GAS2: variants seen among roughly 807,000 people sequenced by gnomAD.
GAS2 encodes the protein growth arrest-specific protein 2.
A neutral mutation model predicts 37.5 loss-of-function variants in GAS2; 20 were observed. The observed-to-expected ratio is 0.53, with a 90% CI of 0.37 to 0.77. The LOEUF (loss-of-function observed/expected upper bound fraction) is 0.77. GAS2 is among the 30% of genes least tolerant of loss of function. GAS2 has a pLI of 0.00. For synonymous variants in GAS2, 144 were observed against 132.2 expected (o/e 1.09, Z -0.61); for missense variants, 336 against 373.4 (o/e 0.90, Z 0.82).
At chr11:22,666,292 A>T (rs1186928968), upstream of GAS2, among the ~76,000 whole-genome samples, 1 of 152,252 alleles carries the variant, frequency 6.6e-6, no homozygotes, top group South Asian at 2.1e-4. Flanking sequence ...AAAATGTTCA[A>T]TTTGGAATGA....
chr11:22,719,856 A>G (rs1264348946), intron 3 of GAS2, among the ~76,000 whole-genome samples: 1 of 152,092 alleles, frequency 6.6e-6, no homozygotes, highest in Non-Finnish European at 1.5e-5. Flanking sequence ...TTTATTATTC[A>G]TCTACTAAAG....
chr11:22,649,923 T>A (rs533613996), intron 1 of GAS2, among the ~76,000 whole-genome samples: 84 of 152,248 alleles, frequency 5.5e-4, no homozygotes, highest in Non-Finnish European at 8.5e-4. Context: ...TTCCTTCAGT[T>A]CTGCTCTGAT....
At chr11:22,638,802 T>C (rs1858873741) in intron 1 of GAS2, among the ~76,000 whole-genome samples, 1 of 152,070 alleles carries the variant, frequency 6.6e-6, no homozygotes, top group Admixed American at 6.6e-5. Context: ...AAATAATATT[T>C]CTTTATATGA....
Position 22,749,639 on chromosome 11 carries a change from G to C in GAS2, c.615+378G>C, listed in dbSNP as rs1346083554. 2.0e-5 allele frequency among the ~76,000 whole-genome samples: 3 copies of C among 152,006 alleles called. No individual in the cohort carries two copies. The East Asian group carries it at 5.8e-4, about 29-fold the overall frequency. ...AAGAAGGGAAAGTAAATGTATGATA[G>C]AGAAGTTAAGTGCCTTTTATGGACT... On this transcript the variant is annotated intron_variant, in intron 6 of 7. Coordinates refer to ENST00000454584, the MANE Select transcript of GAS2 (RefSeq NM_001143830.3).
At chr11:22,725,043 AT>A (rs1852132534) in intron 3 of GAS2, among the ~76,000 whole-genome samples, 1 of 151,974 alleles carries the variant, frequency 6.6e-6, no homozygotes, top group Admixed American at 6.6e-5. Flanking sequence ...TTCTCCCTTG[AT>A]TTTTTTGCTT....
chr11:22,802,754 C>T (rs141085589), intron 7 of GAS2, among the ~76,000 whole-genome samples: 32 of 152,114 alleles, frequency 2.1e-4, no homozygotes, highest in Admixed American at 5.9e-4. Context: ...ACTAAATACT[C>T]GATATTCAAT....
intron 4 of GAS2, among the ~76,000 whole-genome samples, chr11:22,735,988 T>C (rs113905317): frequency 1.6e-3 from 213 of 136,206 alleles, no homozygotes; most frequent in Non-Finnish European, 2.6e-3. Flanking sequence ...TTTGTTATTT[T>C]GTACCATGGA....
At chr11:22,782,465 A>T (rs148584018) in intron 7 of GAS2, among the ~76,000 whole-genome samples, 27 of 152,218 alleles carry the variant, frequency 1.8e-4, no homozygotes, top group Admixed American at 4.6e-4. Context: ...TTACAAAGCT[A>T]TATTGCCCAG....
rs1857212658 is a variant in GAS2, at chr11:22,812,194, T to G, written c.*178T>G. ...TTATTTTTAATGCTTCTGTAGAATA[T>G]GACCTATTAAAAGAAAATCTAAACT... On this transcript the variant is annotated 3_prime_UTR_variant, in exon 8 of 8. Coordinates refer to ENST00000454584, the MANE Select transcript of GAS2 (RefSeq NM_001143830.3). 1.8e-6 allele frequency: 1 copy of G among 556,016 alleles called. No homozygotes were observed. The highest frequency in any genetic ancestry group is 3.1e-6 in the Non-Finnish European group (1 of 317,518). The allele number at this position is 556,016 out of a possible 1,614,324, so 34.4% of individuals were successfully genotyped here. A position where few individuals can be genotyped will look rare whatever the true frequency, so the allele number is the denominator to read the frequency against.
intron 1 of GAS2, among the ~76,000 whole-genome samples, chr11:22,654,312 C>T (rs1848830837): frequency 6.6e-6 from 1 of 152,100 alleles, no homozygotes; most frequent in Middle Eastern, 3.4e-3. Flanking sequence ...TTTTTAAACC[C>T]CTCTAGTTGA....
chr11:22,654,150 A>G (rs1848829462), intron 1 of GAS2, among the ~76,000 whole-genome samples: 1 of 152,212 alleles, frequency 6.6e-6, no homozygotes, highest in Non-Finnish European at 1.5e-5. Context: ...CATGAGCAAA[A>G]TAACTTTGTT....
intron 1 of GAS2, among the ~76,000 whole-genome samples, chr11:22,659,722 T>C (rs1025089392): frequency 2.6e-5 from 4 of 152,156 alleles, no homozygotes; most frequent in Admixed American, 6.6e-5. Context: ...ATTATCACAT[T>C]TTAACTTTTA....
At chr11:22,705,542 A>G (rs1407479360) in intron 3 of GAS2, among the ~76,000 whole-genome samples, 1 of 152,240 alleles carries the variant, frequency 6.6e-6, no homozygotes, top group African/African-American at 2.4e-5. Context: ...CAGTCTAGTT[A>G]GGTACATAAA....
At chr11:22,720,398 T>A (rs189244) in intron 3 of GAS2, among the ~76,000 whole-genome samples, 3 of 151,816 alleles carry the variant, frequency 2.0e-5, no homozygotes, top group African/African-American at 4.8e-5. Context: ...TACCACAAAG[T>A]TTTTTTTCCC....
At chr11:22,719,783 A>G (rs77009158) in intron 3 of GAS2, among the ~76,000 whole-genome samples, 156 of 152,150 alleles carry the variant, frequency 1.0e-3, no homozygotes, top group African/African-American at 3.6e-3. Flanking sequence ...TTGTGTTTTC[A>G]TGACTTGATA....
chr11:22,730,199 A>G (rs1476300952), intron 4 of GAS2, among the ~76,000 whole-genome samples: 1 of 151,864 alleles, frequency 6.6e-6, no homozygotes, highest in Non-Finnish European at 1.5e-5. Context: ...AATTTGAAGG[A>G]AAAATAGATA....
intron 3 of GAS2, among the ~76,000 whole-genome samples, chr11:22,718,143 TC>T (rs1466296988): frequency 6.6e-6 from 1 of 152,016 alleles, no homozygotes; most frequent in African/African-American, 2.4e-5. Flanking sequence ...AGAAAATAAG[TC>T]ATTATATGAA....
intron 4 of GAS2, among the ~76,000 whole-genome samples, chr11:22,736,029 G>GA (rs1343490247): frequency 6.7e-6 from 1 of 149,004 alleles, no homozygotes; most frequent in East Asian, 2.0e-4. Flanking sequence ...GTCTGAATCA[G>GA]AAAAAAATTG....
At chr11:22,633,570 A>C (rs1858775344) in intron 1 of GAS2, among the ~76,000 whole-genome samples, 1 of 152,216 alleles carries the variant, frequency 6.6e-6, no homozygotes, top group African/African-American at 2.4e-5. Context: ...GGAGGTGTTC[A>C]TGGGTAAAAA....
Sources: allele counts gnomAD v4.1 joint callset (sites outside exome capture counted in the v4.1 genomes callset), GRCh38; gene constraint gnomAD v4.1.1; transcripts MANE v1.5; gene names NCBI Gene and HGNC (gene_info 2026-07-23, HGNC 2026-07-21).